DOCK4: variants seen among roughly 807,000 people sequenced by gnomAD.
DOCK4 encodes the protein dedicator of cytokinesis protein 4.
DOCK4 carries 97 observed loss-of-function variants against 268.1 expected under a neutral mutation model. The ratio of observed to expected loss-of-function variants is 0.36; its 90% CI spans 0.31 to 0.43. The LOEUF (loss-of-function observed/expected upper bound fraction) is 0.43, where lower values mean the gene tolerates loss of function less well. Ranked by LOEUF, DOCK4 falls within the 20% of genes least tolerant of loss-of-function variation. The pLI is 1.00. For missense variants in DOCK4, 2,145 were observed against 2,455.7 expected, an observed-to-expected ratio of 0.87 and a Z score of 2.67; for synonymous variants, 954 against 887.2, an observed-to-expected ratio of 1.08 and a Z score of -1.34.
chr7:112,027,552 A>G (rs958036261), intron 1 of DOCK4, among the ~76,000 whole-genome samples: 8 of 152,166 alleles, frequency 5.3e-5, no homozygotes, highest in African/African-American at 1.9e-4. Flanking sequence ...GTTAATTTCA[A>G]TTAACTAAAT....
At chr7:111,850,546 T>C (rs1243319251) in intron 23 of DOCK4, among the ~76,000 whole-genome samples, 1 of 152,058 alleles carries the variant, frequency 6.6e-6, no homozygotes, top group Non-Finnish European at 1.5e-5. Context: ...TGCACATATA[T>C]AAACAGATGG....
chr7:111,901,531 A>G, intron 14 of DOCK4, 146 bp downstream of exon 14: 1 of 753,124 alleles, frequency 1.3e-6, no homozygotes. Context: ...AAAACTACAC[A>G]GGGGTGAAGG....
intron 50 of DOCK4, 102 bp from the exon 51 acceptor site, chr7:111,735,269 A>G (rs1795397641): frequency 1.3e-6 from 1 of 762,112 alleles, no homozygotes; most frequent in East Asian, 2.8e-5. Context: ...GAAAAACTTA[A>G]CTGGATGAAA....
intron 1 of DOCK4, among the ~76,000 whole-genome samples, chr7:112,089,467 T>C (rs975584259): frequency 6.6e-6 from 1 of 152,198 alleles, no homozygotes; most frequent in Non-Finnish European, 1.5e-5. Flanking sequence ...TTTCACTTAA[T>C]GACCTTTCAA....
At chr7:111,924,849 G>A (rs1379626079) in intron 12 of DOCK4, among the ~76,000 whole-genome samples, 1 of 152,192 alleles carries the variant, frequency 6.6e-6, no homozygotes, top group African/African-American at 2.4e-5. Flanking sequence ...GGAGGATGGT[G>A]CAGCTCTTCA....
chr7:112,086,626 T>C (rs1809118831), intron 1 of DOCK4, among the ~76,000 whole-genome samples: 1 of 152,072 alleles, frequency 6.6e-6, no homozygotes, highest in Non-Finnish European at 1.5e-5. Flanking sequence ...GGTTTCCCAT[T>C]AGGATCAGAA....
At chr7:111,912,347 T>C (rs771348045) in intron 13 of DOCK4, among the ~76,000 whole-genome samples, 6 of 152,196 alleles carry the variant, frequency 3.9e-5, no homozygotes, top group Non-Finnish European at 7.3e-5. Flanking sequence ...GGGTGGGGTA[T>C]GGAGCACCCA....
At chr7:112,009,951 G>A (rs1404571896) in intron 1 of DOCK4, among the ~76,000 whole-genome samples, 1 of 152,062 alleles carries the variant, frequency 6.6e-6, no homozygotes, top group African/African-American at 2.4e-5. Flanking sequence ...TCAGTAGCTC[G>A]GACTGAAAGC....
intron 1 of DOCK4, among the ~76,000 whole-genome samples, chr7:112,017,015 GT>G (rs1466113089): frequency 6.6e-5 from 10 of 152,232 alleles, no homozygotes; most frequent in Admixed American, 6.5e-4. Flanking sequence ...TCATCTTCAG[GT>G]TTGAATCAAA....
chr7:111,739,709 C>A (rs1014160839), intron 47 of DOCK4: 2 of 529,714 alleles, frequency 3.8e-6, no homozygotes, highest in Non-Finnish European at 6.8e-6. Flanking sequence ...CAGCTATACA[C>A]TGTGACTTCG....
chr7:111,963,129 T>C lies in DOCK4; in HGVS notation c.701+14003A>G, dbSNP rs950546232. 1.2e-4 allele frequency among the ~76,000 whole-genome samples: 19 copies of C among 152,286 alleles called. No homozygotes were observed. In the South Asian group the frequency reaches 2.3e-3, roughly 18 times the overall value. The stretch of plus-strand genomic sequence containing the variant: ...ATCAGTAAACAAAGTAATGAAAAGT[T>C]ATAAGGGAGGTAGTCAACCAGTAAA... On this transcript the variant is annotated intron_variant, in intron 8 of 52. Transcript: ENST00000428084.
chr7:111,979,827 G>A (rs565361475), intron 7 of DOCK4, among the ~76,000 whole-genome samples: 5 of 152,270 alleles, frequency 3.3e-5, no homozygotes, highest in South Asian at 2.1e-4. Flanking sequence ...CTCCTTTACC[G>A]ATGCAATGAA....
At chr7:111,908,461 A>AAATAATAATAATAATAAT (rs3055494) in intron 13 of DOCK4, among the ~76,000 whole-genome samples, 4,962 of 150,174 alleles carry the variant, frequency 0.033, 224 homozygotes, top group African/African-American at 0.1. Context: ...AAAATAAATA[A>AAATAATAATAATAATAAT]AATAATAATA....
Position 111,728,656 on chromosome 7 carries a change from G to A in DOCK4, c.5546C>T (p.Ser1849Phe), listed in dbSNP as rs752560549. Residue 1849 changes from serine to phenylalanine, a missense_variant, in exon 53 of 53, where the codon TCC (serine) becomes TTC (phenylalanine). Transcript: ENST00000428084. ...EYHSPGLISN[S>F]PVLSGSYSSG... ...GCTGTAGCTGCCCGACAAGACAGGGGAGTTGGAGATGAGTCCTGGCGAGTG... is the reference window on the plus strand; with the variant it reads ...GCTGTAGCTGCCCGACAAGACAGGGAAGTTGGAGATGAGTCCTGGCGAGTG... 3 of 1,613,920 alleles carry A rather than the reference G, an allele frequency of 1.9e-6. No individual in the cohort carries two copies. The South Asian group carries it at 3.3e-5, about 18-fold the overall frequency.
chr7:112,115,013 C>T (rs1273704413), intron 1 of DOCK4, among the ~76,000 whole-genome samples: 2 of 152,192 alleles, frequency 1.3e-5, no homozygotes, highest in Non-Finnish European at 2.9e-5. Flanking sequence ...ACAGGCCTGC[C>T]TCTCTCCAGT....
At chr7:111,995,694 C>T (rs1799904024) in intron 4 of DOCK4, among the ~76,000 whole-genome samples, 1 of 152,028 alleles carries the variant, frequency 6.6e-6, no homozygotes. Context: ...CATGTTATGT[C>T]CAAAGTGTAT....
At chr7:112,047,855 G>C (rs1016471489) in intron 1 of DOCK4, among the ~76,000 whole-genome samples, 1 of 152,074 alleles carries the variant, frequency 6.6e-6, no homozygotes, top group African/African-American at 2.4e-5. Context: ...ACCATGCCTG[G>C]CTAGGTTTTT....
intron 1 of DOCK4, among the ~76,000 whole-genome samples, chr7:112,120,878 G>A (rs116687586): frequency 6.6e-6 from 1 of 152,086 alleles, no homozygotes; most frequent in Non-Finnish European, 1.5e-5. Context: ...ACATTCCAAG[G>A]CCTGAAATAC....
intron 1 of DOCK4, among the ~76,000 whole-genome samples, chr7:112,034,189 C>G (rs1222856337): frequency 6.6e-6 from 1 of 152,130 alleles, no homozygotes; most frequent in African/African-American, 2.4e-5. Context: ...ACCAGGTAAC[C>G]ATAGTGGAAT....
Sources: gnomAD v4.1 joint callset for allele counts (sites outside exome capture counted in the v4.1 genomes callset) on GRCh38, gnomAD v4.1.1 for gene constraint, MANE v1.5 for transcripts, NCBI Gene and HGNC (gene_info 2026-07-23, HGNC 2026-07-21) for gene names.